The following HTR1D variants were observed in gnomAD, a reference collection of about 807,000 sequenced individuals.
HTR1D encodes 5-hydroxytryptamine receptor 1D.
In HTR1D, 18 loss-of-function variants were observed where a neutral mutation model predicts 21.1. The observed-to-expected ratio is 0.85, with a 90% CI of 0.59 to 1.27. The LOEUF (loss-of-function observed/expected upper bound fraction) is 1.27, where lower values mean the gene tolerates loss of function less well. Ranked by LOEUF, HTR1D falls within the 50% of genes most tolerant of loss-of-function variation. The probability of loss-of-function intolerance (pLI) is 0.00; values close to 1 mark genes in which losing one functional copy is unlikely to be tolerated. For synonymous variants in HTR1D, 196 were observed against 204.4 expected (o/e 0.96, Z 0.35); for missense variants, 456 against 481.4 (o/e 0.95, Z 0.49).
chr1:23,193,543 T>G lies in HTR1D; in HGVS notation c.677A>C (p.Asn226Thr). 6.2e-7 allele frequency: 1 copy of G among 1,614,030 alleles called. No homozygotes were observed. The change falls in exon 2 of 2, where the codon AAC becomes ACC. Residue 226 changes from asparagine to threonine, a missense_variant. Transcript: ENST00000374619. ...GAGTGAGGGTGGATTCAGGATGCGG[T>G]TCCGGGCAGCCCGGTAGATCCGGCC... ...LYGRIYRAAR[N>T]RILNPPSLYG...
intron 1 of HTR1D, among the ~76,000 whole-genome samples, chr1:23,201,784 G>A (rs1644710179): frequency 6.6e-6 from 1 of 151,790 alleles, no homozygotes; most frequent in South Asian, 2.1e-4. Flanking sequence ...GAACTCCTGG[G>A]CTCAAGTGAT....
chr1:23,205,022 A>G (rs1158336675), intron 1 of HTR1D, among the ~76,000 whole-genome samples: 2 of 152,264 alleles, frequency 1.3e-5, no homozygotes. Context: ...CAAGTAGATA[A>G]AGAAACTGTG....
Position 23,194,390 on chromosome 1 carries a change from C to A in HTR1D, c.-171G>T. Reference sequence around the variant, plus strand: ...CCAGACTATTCTCTAAGTACAGTTGCAATAAAATAAAATTAAATAACAATA... The same window carrying A: ...CCAGACTATTCTCTAAGTACAGTTGAAATAAAATAAAATTAAATAACAATA... On this transcript the variant is annotated 5_prime_UTR_variant, in exon 2 of 2. Transcript: ENST00000374619. 1 of 475,250 alleles carries A rather than the reference C, an allele frequency of 2.1e-6. No homozygotes were observed. The highest frequency in any genetic ancestry group is 5.3e-5 in the South Asian group (1 of 18,776). 29.4% of individuals were successfully genotyped at this position (475,250 alleles called of 1,614,324 possible). A position where few individuals can be genotyped will look rare whatever the true frequency, so the allele number is the denominator to read the frequency against.
intron 1 of HTR1D, among the ~76,000 whole-genome samples, chr1:23,213,757 T>A (rs1166314425): frequency 6.6e-6 from 1 of 152,154 alleles, no homozygotes; most frequent in African/African-American, 2.4e-5. Context: ...TGGGGTCTCA[T>A]CATGTTGCAC....
chr1:23,210,724 TC>T (rs1051450168), intron 1 of HTR1D, among the ~76,000 whole-genome samples: 1 of 151,406 alleles, frequency 6.6e-6, no homozygotes. Context: ...TTTTCAAGTC[TC>T]CCCCCCAGCT....
chr1:23,196,439 T>C (rs1231552487), intron 1 of HTR1D, among the ~76,000 whole-genome samples: 2 of 137,960 alleles, frequency 1.4e-5, no homozygotes, highest in Admixed American at 7.8e-5. Flanking sequence ...AGTGAAACTC[T>C]GCCAAAAAAA....
chr1:23,217,367 G>A lies in HTR1D; in HGVS notation c.-859C>T, dbSNP rs1318288068. Among the ~76,000 whole-genome samples the A allele has an allele frequency of 6.6e-6, 1 of 151,762 alleles. No individual in the cohort carries two copies. The highest frequency in any genetic ancestry group is 3.4e-3 in the Middle Eastern group (1 of 292). On this transcript the variant is annotated 5_prime_UTR_variant, in exon 1 of 2. Coordinates refer to ENST00000374619, the MANE Select transcript of HTR1D (RefSeq NM_000864.5). This position sits in a 1 kb window ranked among gnomAD's most constrained non-coding sequence, Gnocchi z 4.6. ...TCCTCGCGCGGCGTCTCCCCGTCGC[G>A]GCCGCCTTGTCTCCGCCGCGACCCC...
intron 1 of HTR1D, among the ~76,000 whole-genome samples, chr1:23,203,765 C>T (rs971890587): frequency 2.6e-5 from 4 of 152,176 alleles, no homozygotes; most frequent in African/African-American, 2.4e-5. Context: ...CATGTGTGTA[C>T]GTCCACCAAA....
chr1:23,216,023 A>G (rs1273647539), intron 1 of HTR1D, among the ~76,000 whole-genome samples: 1 of 152,230 alleles, frequency 6.6e-6, no homozygotes, highest in African/African-American at 2.4e-5. Flanking sequence ...TGTCTCAATG[A>G]CAAAGGCTGC....
intron 1 of HTR1D, among the ~76,000 whole-genome samples, chr1:23,199,766 G>A (rs956951987): frequency 3.8e-4 from 58 of 151,966 alleles, no homozygotes; most frequent in African/African-American, 1.3e-3. Context: ...ATGCAGTGAT[G>A]CAAATCTTCG....
intron 1 of HTR1D, among the ~76,000 whole-genome samples, chr1:23,195,408 T>G (rs1249587624): frequency 6.6e-6 from 1 of 152,230 alleles, no homozygotes; most frequent in Non-Finnish European, 1.5e-5. Context: ...TTCTACTCAT[T>G]TGAATTTTCC....
chr1:23,211,609 TTATGTATGTATGTATGTATGTATG>T lies in HTR1D; in HGVS notation c.-783+5658_-783+5681del, dbSNP rs58459077. Reference sequence around the variant, plus strand: ...CCCTGCAATACACTCCAAATCCTTTTTATGTATGTATGTATGTATGTATGTATGTATGTATGTATGTATGTATGT... The same window carrying T: ...CCCTGCAATACACTCCAAATCCTTTTTATGTATGTATGTATGTATGTATGT... On this transcript the variant is annotated intron_variant, in intron 1 of 1. Coordinates refer to ENST00000374619, the MANE Select transcript of HTR1D (RefSeq NM_000864.5). 2.2e-3 allele frequency among the ~76,000 whole-genome samples: 326 copies of T among 146,738 alleles called. 1 individual carries two copies. Among genetic ancestry groups the T allele is most frequent in the Middle Eastern group, 6.8e-3 (2 of 292 alleles).
In HTR1D at chr1:23,194,342, AC is replaced by A; in HGVS notation, c.-124del. 1.2e-6 allele frequency: 1 copy of A among 810,024 alleles called. No homozygotes were observed. The highest frequency in any genetic ancestry group is 2.0e-6 in the Non-Finnish European group (1 of 497,518). 50.2% of individuals were successfully genotyped at this position (810,024 alleles called of 1,614,324 possible). The stretch of plus-strand genomic sequence containing the variant: ...TGGTGGGAGCCGTACACCAGAACAG[AC>A]CACAGTGAAAAGGTCTCAAGACCAG... On this transcript the variant is annotated 5_prime_UTR_variant, in exon 2 of 2. Transcript: ENST00000374619.
chr1:23,216,401 C>T (rs1644773578), intron 1 of HTR1D, among the ~76,000 whole-genome samples: 2 of 152,224 alleles, frequency 1.3e-5, no homozygotes, highest in Non-Finnish European at 2.9e-5. Context: ...GGAAACCACA[C>T]CTCAAAGAAG....
chr1:23,200,777 C>T (rs1337052735), intron 1 of HTR1D, among the ~76,000 whole-genome samples: 1 of 152,192 alleles, frequency 6.6e-6, no homozygotes, highest in East Asian at 1.9e-4. Flanking sequence ...TCACCAGAAA[C>T]AAAGTATCAC....
chr1:23,211,500 G>A (rs771123903), intron 1 of HTR1D, among the ~76,000 whole-genome samples: 1 of 152,050 alleles, frequency 6.6e-6, no homozygotes, highest in Non-Finnish European at 1.5e-5. Flanking sequence ...ACCATGTCCC[G>A]AGTTAAAAAC....
chr1:23,202,076 G>A (rs368628019), intron 1 of HTR1D, among the ~76,000 whole-genome samples: 1 of 149,118 alleles, frequency 6.7e-6, no homozygotes, highest in Non-Finnish European at 1.5e-5. Context: ...GTGGTTTTTT[G>A]TTGTTGTTGT....
chr1:23,205,692 C>G (rs1337123104), intron 1 of HTR1D, among the ~76,000 whole-genome samples: 2 of 152,040 alleles, frequency 1.3e-5, no homozygotes, highest in Non-Finnish European at 2.9e-5. Context: ...TACAGGCATG[C>G]GCCACCAGGT....
Position 23,194,039 on chromosome 1 carries a change from T to C in HTR1D, c.181A>G (p.Thr61Ala). Reference protein sequence around the residue: ...ATVLSNAFVLTTILLTRKLHT... With the variant: ...ATVLSNAFVLATILLTRKLHT... ...AGCTTCCTGGTGAGTAAGATGGTGG[T>C]GAGTACAAAGGCATTGGAGAGGACT... The change falls in exon 2 of 2, where the codon ACC becomes GCC. Residue 61 changes from threonine (T) to alanine (A), a missense_variant. Thr to Ala is a moderately conservative substitution (Grantham distance 58). Coordinates refer to ENST00000374619, the MANE Select transcript of HTR1D (RefSeq NM_000864.5). 1.9e-6 allele frequency: 3 copies of C among 1,614,024 alleles called. No individual in the cohort carries two copies. Among genetic ancestry groups the C allele is most frequent in the Non-Finnish European group, 2.5e-6 (3 of 1,179,988 alleles).
Sources: allele counts gnomAD v4.1 joint callset (sites outside exome capture counted in the v4.1 genomes callset), GRCh38; gene constraint gnomAD v4.1.1; non-coding constraint Gnocchi (gnomAD v3.1); transcripts MANE v1.5; gene names NCBI Gene and HGNC (gene_info 2026-07-23, HGNC 2026-07-21).